The following PARP4 variants were observed in gnomAD, a reference collection of about 807,000 sequenced individuals.
PARP4 encodes poly(ADP-ribose) polymerase family member 4.
Under a neutral mutation model 187.7 loss-of-function variants are expected in PARP4, and 120 were observed. The observed-to-expected ratio is 0.64, with a 90% confidence interval of 0.55 to 0.74. PARP4 has a LOEUF of 0.74. Ranked by LOEUF, PARP4 falls within the 30% of genes least tolerant of loss-of-function variation. The pLI, the probability that PARP4 is intolerant of heterozygous loss-of-function variation, is 0.00. For synonymous variants in PARP4, 654 were observed against 740.9 expected (o/e 0.88, Z 1.90); for missense variants, 1,836 against 2,070.5 (o/e 0.89, Z 2.20).
chr13:24,444,924 T>C, intron 27 of PARP4, among the ~76,000 whole-genome samples: 1 of 152,244 alleles, frequency 6.6e-6, no homozygotes, highest in South Asian at 2.1e-4. Context: ...AGTCTGATAC[T>C]TTAAAGGGAT....
At chr13:24,450,653 G>C (rs1871462843) in intron 24 of PARP4, among the ~76,000 whole-genome samples, 2 of 152,232 alleles carry the variant, frequency 1.3e-5, no homozygotes, top group Admixed American at 1.3e-4. Flanking sequence ...GAGGGCTGAT[G>C]GTCTCTACCC....
intron 8 of PARP4, among the ~76,000 whole-genome samples, chr13:24,492,988 A>G (rs1868742682): frequency 6.6e-6 from 1 of 152,220 alleles, no homozygotes; most frequent in South Asian, 2.1e-4. Flanking sequence ...TAATTACACA[A>G]GTACTTCATG....
intron 17 of PARP4, 72 bp from the exon 18 acceptor site, chr13:24,460,208 C>A: frequency 7.8e-7 from 1 of 1,286,402 alleles, no homozygotes; most frequent in Non-Finnish European, 1.1e-6. Flanking sequence ...ACTCCACGTA[C>A]TTCTTAAGCA....
intron 8 of PARP4, 73 bp downstream of exon 8, chr13:24,493,523 A>T (rs1251190807): frequency 2.1e-6 from 3 of 1,428,056 alleles, no homozygotes; most frequent in Non-Finnish European, 2.9e-6. Context: ...ATGCAAACAC[A>T]CGTGTTATTG....
At chr13:24,509,805 A>G (rs1370625151) in intron 1 of PARP4, among the ~76,000 whole-genome samples, 3 of 152,046 alleles carry the variant, frequency 2.0e-5, no homozygotes, top group African/African-American at 7.2e-5. Context: ...GGTTCAAGTA[A>G]TTCTCGTGCC....
At chr13:24,442,526 G>A in intron 29 of PARP4, 64 bp downstream of exon 29, 1 of 1,130,182 alleles carries the variant, frequency 8.8e-7, no homozygotes. Context: ...CAAAGCAAGG[G>A]TGACTTTCTT....
intron 7 of PARP4, among the ~76,000 whole-genome samples, chr13:24,494,354 T>C (rs935109054): frequency 1.3e-5 from 2 of 152,114 alleles, no homozygotes; most frequent in Non-Finnish European, 2.9e-5. Flanking sequence ...CCACCATTCC[T>C]GGGTAATGTT....
Position 24,452,594 on chromosome 13 carries a change from C to T in PARP4, c.2827-1G>A. The T allele has an allele frequency of 6.2e-7, 1 of 1,609,388 alleles. No individual in the cohort carries two copies. Among genetic ancestry groups the T allele is most frequent in the Non-Finnish European group, 8.5e-7 (1 of 1,177,472 alleles). ...TGTTCCCCATGGTAGGTGTGGCAGA[C>T]TGGAGGAAATGAAGTGAAAGATTAT... On this transcript the variant is annotated splice_acceptor_variant, in intron 23 of 33. Coordinates refer to ENST00000381989, the MANE Select transcript of PARP4 (RefSeq NM_006437.4). LOFTEE classifies it high-confidence loss of function.
At chr13:24,474,484 T>C (rs1245721449) in intron 15 of PARP4, among the ~76,000 whole-genome samples, 1 of 150,198 alleles carries the variant, frequency 6.7e-6, no homozygotes, top group African/African-American at 2.4e-5. Flanking sequence ...ATCCCAGGAC[T>C]GGCCCCAGTG....
Position 24,462,977 on chromosome 13 carries a change from CAAT to C in PARP4, c.2134-2844_2134-2842del, listed in dbSNP as rs1233923345. 1.4e-3 allele frequency among the ~76,000 whole-genome samples: 216 copies of C among 152,234 alleles called. 2 individuals carry two copies. Among genetic ancestry groups the C allele is most frequent in the Admixed American group, 0.011 (166 of 15,280 alleles). ...AGAGAATGAGGGAGAAGAAATATTT[CAAT>C]AGATAAAGATCAAGACTGTCCCAAA... is the stretch of plus-strand genomic sequence containing the variant. On this transcript the variant is annotated intron_variant, in intron 17 of 33. Coordinates refer to ENST00000381989, the MANE Select transcript of PARP4 (RefSeq NM_006437.4).
chr13:24,448,931 CAG>C (rs1410971730), intron 25 of PARP4, among the ~76,000 whole-genome samples: 1 of 152,134 alleles, frequency 6.6e-6, no homozygotes, highest in Non-Finnish European at 1.5e-5. Context: ...GTCATAAAGA[CAG>C]AAAGTAGAGT....
At chr13:24,458,373 T>A (rs1364354495) in intron 20 of PARP4, among the ~76,000 whole-genome samples, 2 of 151,936 alleles carry the variant, frequency 1.3e-5, no homozygotes, top group Admixed American at 1.3e-4. Flanking sequence ...CCTCCCAAAG[T>A]GCTGGGATTA....
intron 10 of PARP4, among the ~76,000 whole-genome samples, chr13:24,487,357 G>T (rs1258710950): frequency 6.6e-6 from 1 of 152,114 alleles, no homozygotes; most frequent in Non-Finnish European, 1.5e-5. Context: ...CTTGGGAGGT[G>T]ACATTTATTG....
intron 12 of PARP4, among the ~76,000 whole-genome samples, chr13:24,480,473 A>T (rs1159496473): frequency 6.6e-6 from 1 of 152,260 alleles, no homozygotes; most frequent in Non-Finnish European, 1.5e-5. Flanking sequence ...CATGTTGAAA[A>T]CCAAGACAGG....
In PARP4 at chr13:24,484,703, T is replaced by C. The variant is rs1296609756; in HGVS notation, c.1398A>G (p.Arg466=). 6.2e-6 allele frequency: 10 copies of C among 1,612,412 alleles called. No homozygotes were observed. Among genetic ancestry groups the C allele is most frequent in the Non-Finnish European group, 8.5e-6 (10 of 1,178,406 alleles). ...PKVVEDRGVQ[R]TDVGNLGSGI... is the part of the protein sequence containing the mutation. ...CACTTCCAAGGTTTCCGACGTCTGTTCTTTGCACACCACGATCTTCCACTA... is the reference window on the plus strand; with the variant it reads ...CACTTCCAAGGTTTCCGACGTCTGTCCTTTGCACACCACGATCTTCCACTA... The change falls in exon 12 of 34, where the codon AGA becomes AGG. Residue 466 remains arginine, a synonymous_variant. Coordinates refer to ENST00000381989, the MANE Select transcript of PARP4 (RefSeq NM_006437.4).
intron 33 of PARP4, among the ~76,000 whole-genome samples, chr13:24,421,710 G>A (rs1431301734): frequency 5.3e-5 from 8 of 152,274 alleles, no homozygotes; most frequent in Admixed American, 2.0e-4. Context: ...CCTTCCCACT[G>A]TACTGACTTG....
Position 24,434,525 on chromosome 13 carries a change from T to A in PARP4, c.4616A>T (p.Gln1539Leu). The part of the protein sequence containing the change: ...SEVLQDSCFL[Q>L]IKCDTKDDSI... ...GTCATCTTTTGTATCACATTTTATT[T>A]GTAAAAAGCAGCTGTCTTGAAGTAC... Residue 1539 changes from glutamine (Q) to leucine (L), a missense_variant, in exon 31 of 34, where the codon CAA becomes CTA. Physicochemically the swap from Gln to Leu is moderately radical, Grantham distance 113 (BLOSUM62 -2). Around this residue, in one of 8 missense-constraint regions of PARP4, gnomAD observed 450 missense variants for 439.2 expected, o/e 1.02. Transcript: ENST00000381989. 3 of 1,614,016 alleles carry A rather than the reference T, an allele frequency of 1.9e-6. No individual in the cohort carries two copies. Among genetic ancestry groups the A allele is most frequent in the Middle Eastern group, 1.7e-4 (1 of 6,060 alleles).
At chr13:24,453,254 C>CTT (rs774345230) in intron 23 of PARP4, among the ~76,000 whole-genome samples, 1 of 145,420 alleles carries the variant, frequency 6.9e-6, no homozygotes, top group Non-Finnish European at 1.5e-5. Context: ...TTCTTTCTTT[C>CTT]TTTTTTTTTT....
chr13:24,425,549 G>A (rs1384657584), intron 33 of PARP4, among the ~76,000 whole-genome samples: 34 of 52,996 alleles, frequency 6.4e-4, no homozygotes, highest in African/African-American at 2.7e-3. Context: ...GTGCATGTGT[G>A]TGTGTGTGTG....
Sources: allele counts gnomAD v4.1 joint callset (sites outside exome capture counted in the v4.1 genomes callset), GRCh38; gene constraint gnomAD v4.1.1; regional missense constraint gnomAD v4.1.1; transcripts MANE v1.5; gene names NCBI Gene and HGNC (gene_info 2026-07-23, HGNC 2026-07-21).